The following CRYL1 variants were observed in gnomAD, a reference collection of about 807,000 sequenced individuals.
CRYL1 encodes crystallin lambda 1, also known as lambda-crystallin homolog.
A neutral mutation model predicts 36.6 loss-of-function variants in CRYL1; 29 were observed. The observed-to-expected ratio is 0.79, with a 90% CI of 0.59 to 1.08. CRYL1 has a LOEUF of 1.08. Ranked by LOEUF, CRYL1 falls within the 50% of genes least tolerant of loss-of-function variation. CRYL1 has a pLI of 0.00. For missense variants in CRYL1, 411 were observed against 407.9 expected (o/e 1.01, Z -0.06); for synonymous variants, 152 against 151.5 (o/e 1.00, Z -0.02).
intron 3 of CRYL1, among the ~76,000 whole-genome samples, chr13:20,459,097 G>T (rs986274545): frequency 6.6e-6 from 1 of 152,000 alleles, no homozygotes; most frequent in African/African-American, 2.4e-5. Flanking sequence ...TTAGCTGGGC[G>T]TGGTGGCGGG....
intron 2 of CRYL1, among the ~76,000 whole-genome samples, chr13:20,491,672 T>G (rs1027970854): frequency 6.6e-6 from 1 of 152,090 alleles, no homozygotes; most frequent in Non-Finnish European, 1.5e-5. Flanking sequence ...ACACCTGTAG[T>G]CCCAGCTACT....
In CRYL1 at chr13:20,420,700, G is replaced by GTGTTTTTTTTTTT. The variant is rs1555226401; in HGVS notation, c.634-7314_634-7313insAAAAAAAAAAACA. On this transcript the variant is annotated intron_variant, in intron 5 of 7. Coordinates refer to ENST00000298248, the MANE Select transcript of CRYL1 (RefSeq NM_015974.3). Reference sequence around the variant, plus strand: ...CCTTTGACTTTTCTTTAAAATAGAGGTTGTGTGTGTGTGTGTGTGTGTGTG... The same window carrying GTGTTTTTTTTTTT: ...CCTTTGACTTTTCTTTAAAATAGAGGTGTTTTTTTTTTTTTGTGTGTGTGTGTGTGTGTGTGTG... Among the ~76,000 whole-genome samples the GTGTTTTTTTTTTT allele has an allele frequency of 5.5e-5, 2 of 36,430 alleles. 1 individual carries two copies. The highest frequency in any genetic ancestry group is 1.4e-4 in the Non-Finnish European group (2 of 13,970). 23.9% of individuals were successfully genotyped at this position (36,430 alleles called of 152,430 possible).
intron 1 of CRYL1, among the ~76,000 whole-genome samples, chr13:20,521,684 T>A (rs1187043996): frequency 1.3e-5 from 2 of 152,234 alleles, no homozygotes; most frequent in Non-Finnish European, 2.9e-5. Context: ...GATGAACATT[T>A]ATTCTGTTAC....
chr13:20,429,123 A>G (rs2031997598), intron 5 of CRYL1, among the ~76,000 whole-genome samples: 2 of 152,148 alleles, frequency 1.3e-5, no homozygotes, highest in Admixed American at 6.5e-5. Flanking sequence ...CCGGCCACAC[A>G]TGGAACCCAC....
intron 1 of CRYL1, among the ~76,000 whole-genome samples, chr13:20,518,750 A>G (rs2034045010): frequency 6.6e-6 from 1 of 152,188 alleles, no homozygotes; most frequent in Non-Finnish European, 1.5e-5. Context: ...AGGCGGGACC[A>G]GGACGGAGGC....
intron 1 of CRYL1, among the ~76,000 whole-genome samples, chr13:20,519,077 T>C (rs1461551433): frequency 2.0e-5 from 3 of 152,064 alleles, no homozygotes; most frequent in African/African-American, 7.2e-5. Flanking sequence ...GGATATTAAT[T>C]TGGGATTTAC....
intron 6 of CRYL1, among the ~76,000 whole-genome samples, chr13:20,410,530 T>C (rs904789471): frequency 2.6e-5 from 4 of 151,952 alleles, no homozygotes; most frequent in African/African-American, 9.7e-5. Context: ...ACTTACAGTA[T>C]AATAATAATA....
intron 3 of CRYL1, among the ~76,000 whole-genome samples, chr13:20,461,023 G>T (rs553477680): frequency 6.6e-6 from 1 of 152,130 alleles, no homozygotes; most frequent in African/African-American, 2.4e-5. Context: ...CACAACTAGG[G>T]TAGCCGCTGT....
chr13:20,414,255 T>TGTGTGTG (rs1555226015), intron 5 of CRYL1, among the ~76,000 whole-genome samples: 23 of 151,174 alleles, frequency 1.5e-4, no homozygotes, highest in African/African-American at 5.4e-4. Flanking sequence ...AAGAGATTTT[T>TGTGTGTG]TGTGTGTGTG....
At chr13:20,513,912 TAA>T (rs34147753) in intron 1 of CRYL1, among the ~76,000 whole-genome samples, 9,628 of 103,710 alleles carry the variant, frequency 0.093, 1,053 homozygotes, top group African/African-American at 0.28. Context: ...AAGAAAGTAT[TAA>T]AAAAAAAAAA....
At chr13:20,502,985 T>C (rs1336210446) in intron 2 of CRYL1, among the ~76,000 whole-genome samples, 2 of 151,252 alleles carry the variant, frequency 1.3e-5, no homozygotes, top group Admixed American at 6.6e-5. Flanking sequence ...CACAGGATCA[T>C]GCCGGAAGCA....
chr13:20,520,791 C>G (rs984344450), intron 1 of CRYL1, among the ~76,000 whole-genome samples: 4 of 152,154 alleles, frequency 2.6e-5, no homozygotes, highest in African/African-American at 9.7e-5. Flanking sequence ...AGAGGTGAAA[C>G]CACTGGGTTT....
In CRYL1 at chr13:20,404,279, A is replaced by T. The variant is rs759079318; in HGVS notation, c.847-37T>A. 6.7e-6 allele frequency: 9 copies of T among 1,351,232 alleles called. No individual in the cohort carries two copies. The South Asian group carries it at 1.1e-4, about 16-fold the overall frequency. 83.7% of individuals were successfully genotyped at this position (1,351,232 alleles called of 1,614,324 possible). ...AGAAGGAAAAAAAAGGACAATAAAG[A>T]GGAAATAATTTATCAAGAGTGTAAT... is the stretch of plus-strand genomic sequence containing the variant. On this transcript the variant is annotated intron_variant, in intron 7 of 7. Coordinates refer to ENST00000298248, the MANE Select transcript of CRYL1 (RefSeq NM_015974.3).
In CRYL1 at chr13:20,497,722, AAC is replaced by A. The variant is rs1352984979; in HGVS notation, c.150-8228_150-8227del. Among the ~76,000 whole-genome samples the A allele has an allele frequency of 4.1e-5, 6 of 148,070 alleles. No individual in the cohort carries two copies. The South Asian group carries it at 1.1e-3, about 27-fold the overall frequency. ...ATATATGCCCTACACACACCACACA[AAC>A]ACACACCACATACATACAACTACAC... On this transcript the variant is annotated intron_variant, in intron 2 of 7. Transcript: ENST00000298248.
At chr13:20,440,658 A>T (rs1257680557) in intron 3 of CRYL1, among the ~76,000 whole-genome samples, 1 of 152,250 alleles carries the variant, frequency 6.6e-6, no homozygotes, top group Non-Finnish European at 1.5e-5. Flanking sequence ...CCATCAGATC[A>T]ACAGATCTTT....
chr13:20,447,704 C>A (rs748472273), intron 3 of CRYL1, among the ~76,000 whole-genome samples: 1 of 152,158 alleles, frequency 6.6e-6, no homozygotes, highest in Non-Finnish European at 1.5e-5. Flanking sequence ...GCCAACCAGT[C>A]CTCATCTTAA....
intron 2 of CRYL1, among the ~76,000 whole-genome samples, chr13:20,496,875 A>G (rs1280463167): frequency 1.3e-5 from 2 of 151,382 alleles, no homozygotes; most frequent in Non-Finnish European, 2.9e-5. Flanking sequence ...TAGGCCCACA[A>G]GGTCAGAGAT....
chr13:20,428,761 T>G (rs559434704), intron 5 of CRYL1, among the ~76,000 whole-genome samples: 1 of 152,338 alleles, frequency 6.6e-6, no homozygotes, highest in Non-Finnish European at 1.5e-5. Context: ...CTGCCTCACC[T>G]GCAGATGGCA....
rs2034151879 is a variant in CRYL1, at chr13:20,524,387, T to A, written c.41+1367A>T. On this transcript the variant is annotated intron_variant, in intron 1 of 7. Coordinates refer to ENST00000298248, the MANE Select transcript of CRYL1 (RefSeq NM_015974.3). ...CCACCACTGGTACAAAGTGCACTTTTTTTTTTTCAGACGGAGTTTCGCTCT... is the reference window on the plus strand; with the variant it reads ...CCACCACTGGTACAAAGTGCACTTTATTTTTTTCAGACGGAGTTTCGCTCT... Among the ~76,000 whole-genome samples, 2 of 152,120 alleles carry A rather than the reference T, an allele frequency of 1.3e-5. 1 individual carries two copies. The highest frequency in any genetic ancestry group is 4.1e-4 in the South Asian group (2 of 4,830).
Sources: allele counts gnomAD v4.1 joint callset (sites outside exome capture counted in the v4.1 genomes callset), GRCh38; gene constraint gnomAD v4.1.1; transcripts MANE v1.5; gene names NCBI Gene and HGNC (gene_info 2026-07-23, HGNC 2026-07-21).